FZD6: variants seen among roughly 807,000 people sequenced by gnomAD.
The protein encoded by FZD6 is frizzled class receptor 6, also known as frizzled-6.
A neutral mutation model predicts 61.4 loss-of-function variants in FZD6; 49 were observed. The ratio of observed to expected loss-of-function variants is 0.80; its 90% confidence interval spans 0.63 to 1.01. The LOEUF (loss-of-function observed/expected upper bound fraction) is 1.01, where lower values mean the gene tolerates loss of function less well. FZD6 is among the 50% of genes least tolerant of loss of function. The pLI is 0.00. For missense variants in FZD6, 724 were observed against 848.2 expected (o/e 0.85, Z 1.82); for synonymous variants, 265 against 292.2 (o/e 0.91, Z 0.95).
chr8:103,330,013 G>A lies in FZD6; in HGVS notation c.1900G>A (p.Asp634Asn), dbSNP rs139052958. The A allele has an allele frequency of 5.1e-5, 82 of 1,614,112 alleles. 1 individual carries two copies. The East Asian group carries it at 8.9e-4, about 18-fold the overall frequency. ...CTCCAGACTCTCTGGGGAACAGGTCGACGGGAAGGGCCAGGCAGGCAGTGT... is the reference window on the plus strand; with the variant it reads ...CTCCAGACTCTCTGGGGAACAGGTCAACGGGAAGGGCCAGGCAGGCAGTGT... ...SISRLSGEQV[D>N]GKGQAGSVSE... The change falls in exon 6 of 7, where the codon GAC (aspartate) becomes AAC (asparagine). Residue 634 changes from aspartate (D) to asparagine (N), a missense_variant. Coordinates refer to ENST00000358755, the MANE Select transcript of FZD6 (RefSeq NM_003506.4).
intron 1 of FZD6, among the ~76,000 whole-genome samples, chr8:103,299,489 A>G (rs1814086853): frequency 6.6e-6 from 1 of 152,192 alleles, no homozygotes; most frequent in Non-Finnish European, 1.5e-5. Flanking sequence ...ACGAAAATCG[A>G]GAAAACTACA....
At chr8:103,325,593 A>G (rs568705981) in intron 4 of FZD6, 95 bp downstream of exon 4, 2 of 1,053,260 alleles carry the variant, frequency 1.9e-6, no homozygotes, top group Admixed American at 1.7e-5. Flanking sequence ...AGTTGATTTC[A>G]GGTGAGAAAA....
intron 2 of FZD6, among the ~76,000 whole-genome samples, chr8:103,303,723 A>G (rs1156251292): frequency 3.9e-5 from 6 of 152,222 alleles, no homozygotes; most frequent in Non-Finnish European, 8.8e-5. Flanking sequence ...TGGTTTACAT[A>G]TCATTCTTTT....
chr8:103,328,536 C>A, intron 5 of FZD6, 120 bp downstream of exon 5: 2 of 876,106 alleles, frequency 2.3e-6, no homozygotes, highest in Non-Finnish European at 3.6e-6. Flanking sequence ...ATTTGATTTG[C>A]CAACTGAAGT....
At chr8:103,318,488 T>G (rs1428369903) in intron 2 of FZD6, 102 bp from the exon 3 acceptor site, 2 of 732,148 alleles carry the variant, frequency 2.7e-6, no homozygotes, top group Non-Finnish European at 4.9e-6. Flanking sequence ...AAGATTCTTT[T>G]GCAGTATAAG....
At chr8:103,308,129 G>A (rs570428505) in intron 2 of FZD6, among the ~76,000 whole-genome samples, 1 of 152,254 alleles carries the variant, frequency 6.6e-6, no homozygotes, top group South Asian at 2.1e-4. Flanking sequence ...TGCCACCATG[G>A]CCGTTTTGTT....
In FZD6 at chr8:103,325,318, C is replaced by A. The variant is rs759836027; in HGVS notation, c.1212C>A (p.Gly404=). The change falls in exon 4 of 7, where the codon GGC becomes GGA. Residue 404 remains glycine (G), a synonymous_variant. Coordinates refer to ENST00000358755, the MANE Select transcript of FZD6 (RefSeq NM_003506.4). The part of the protein sequence containing the change: ...NHVRQVIQHD[G]RNQEKLKKFM... ...TTCGACAAGTCATACAACATGATGG[C>A]CGGAACCAAGAAAAACTAAAGAAAT... The A allele has an allele frequency of 5.0e-6, 8 of 1,613,886 alleles. No individual in the cohort carries two copies. In the Admixed American group the frequency reaches 1.3e-4, roughly 27 times the overall value.
At position 103,330,181 on chromosome 8, in the gene FZD6, C is replaced by A. The variant is rs1035903612; in HGVS notation, c.1952+116C>A. 12 of 955,536 alleles carry A rather than the reference C, an allele frequency of 1.3e-5. No individual in the cohort carries two copies. The African/African-American group carries it at 1.5e-4, about 12-fold the overall frequency. The allele number at this position is 955,536 out of a possible 1,614,324, so 59.2% of individuals were successfully genotyped here. A position where few individuals can be genotyped will look rare whatever the true frequency, so the allele number is the denominator to read the frequency against. Reference sequence around the variant, plus strand: ...GTGATATATTATGTCTGTACTCTTACCCCAAGGAAGTTTGGGTTCAGCCTA... The same window carrying A: ...GTGATATATTATGTCTGTACTCTTAACCCAAGGAAGTTTGGGTTCAGCCTA... On this transcript the variant is annotated intron_variant, in intron 6 of 6. Coordinates refer to ENST00000358755, the MANE Select transcript of FZD6 (RefSeq NM_003506.4).
At position 103,330,059 on chromosome 8, in the gene FZD6, A is replaced by C; in HGVS notation, c.1946A>C (p.Glu649Ala). ...AGSVSESARS[E>A]GRISPKSDIT... ...AGTGTATCTGAAAGTGCGCGGAGTG[A>C]AGGAAGGTGAGATTTGATTTTATGT... The change falls in exon 6 of 7, where the codon GAA (glutamate) becomes GCA (alanine). Residue 649 changes from glutamate to alanine, a missense_variant. Physicochemically the swap from Glu to Ala is moderately radical, Grantham distance 107 (BLOSUM62 -1). Coordinates refer to ENST00000358755, the MANE Select transcript of FZD6 (RefSeq NM_003506.4). 1 of 1,613,386 alleles carries C rather than the reference A, an allele frequency of 6.2e-7. No individual in the cohort carries two copies. The highest frequency in any genetic ancestry group is 8.5e-7 in the Non-Finnish European group (1 of 1,179,294).
intron 2 of FZD6, among the ~76,000 whole-genome samples, chr8:103,311,817 G>T (rs994637182): frequency 2.6e-5 from 4 of 151,732 alleles, no homozygotes; most frequent in African/African-American, 9.7e-5. Flanking sequence ...TTGAGCCATA[G>T]AAGTTAGGTA....
Position 103,299,791 on chromosome 8 carries a change from A to G in FZD6, c.-152-165A>G, listed in dbSNP as rs1181358548. The stretch of plus-strand genomic sequence containing the variant: ...AGAGGTGCAGCTTCCTTAGCAAATG[A>G]TATATTCCATGCTAAGGCAGGTGGA... On this transcript the variant is annotated intron_variant, in intron 1 of 6. Transcript: ENST00000358755. 2.6e-5 allele frequency among the ~76,000 whole-genome samples: 4 copies of G among 152,174 alleles called. No homozygotes were observed. The East Asian group carries it at 7.7e-4, about 29-fold the overall frequency.
rs1815009468 is a variant in FZD6, at chr8:103,328,208, T to C, written c.1393-60T>C. 2.4e-6 allele frequency: 3 copies of C among 1,259,438 alleles called. No homozygotes were observed. The Admixed American group carries it at 5.1e-5, about 21-fold the overall frequency. The allele number at this position is 1,259,438 out of a possible 1,614,324, so 78.0% of individuals were successfully genotyped here. ...TTTTGTTCGTTTTATATTGACAATA[T>C]AGACTTCTTTCCACTTTAAGTGCAT... On this transcript the variant is annotated intron_variant, in intron 4 of 6. Coordinates refer to ENST00000358755, the MANE Select transcript of FZD6 (RefSeq NM_003506.4).
In FZD6 at chr8:103,318,702, A is replaced by G. The variant is rs1487285963; in HGVS notation, c.290A>G (p.Lys97Arg). The change falls in exon 3 of 7, where the codon AAA becomes AGA. Residue 97 changes from lysine to arginine, a missense_variant. Physicochemically the swap from Lys to Arg is conservative, Grantham distance 26. Transcript: ENST00000358755. Reference protein sequence around the residue: ...EQIHVVPPCRKLCEKVYSDCK... With the variant: ...EQIHVVPPCRRLCEKVYSDCK... ...ATTCATGTGGTTCCACCTTGTCGTA[A>G]ACTTTGTGAGAAAGTATATTCTGAT... 6.2e-7 allele frequency: 1 copy of G among 1,609,712 alleles called. No homozygotes were observed. The highest frequency in any genetic ancestry group is 8.5e-7 in the Non-Finnish European group (1 of 1,176,004).
chr8:103,328,491 T>A, intron 5 of FZD6, 75 bp downstream of exon 5: 1 of 1,129,094 alleles, frequency 8.9e-7, no homozygotes, highest in South Asian at 1.3e-5. Context: ...TTCAAATCAA[T>A]GTACTAGAGT....
At chr8:103,326,718 A>G (rs1352068716) in intron 4 of FZD6, among the ~76,000 whole-genome samples, 1 of 151,158 alleles carries the variant, frequency 6.6e-6, no homozygotes, top group East Asian at 1.9e-4. Flanking sequence ...CAAACAATCC[A>G]TAATCAATGT....
chr8:103,298,637 G>T (rs1211003352), upstream of FZD6: 2 of 152,080 alleles, frequency 1.3e-5, no homozygotes, highest in Non-Finnish European at 2.9e-5. Context: ...CGTAACAGAC[G>T]GCAAGGTGGA....
rs375098302 is a variant in FZD6 at position 103,318,605 on chromosome 8, G to A, written c.193G>A (p.Ala65Thr). The stretch of plus-strand genomic sequence containing the variant: ...TCTTTAATAGCATTTTCTTCCTCTC[G>A]CAAATCTGGAATGTTCACCAAACAT... ...AVEMEHFLPL[A>T]NLECSPNIET... Residue 65 changes from alanine to threonine, a missense_variant, in exon 3 of 7, where the codon GCA becomes ACA. Transcript: ENST00000358755. The A allele has an allele frequency of 4.6e-5, 74 of 1,603,600 alleles. No individual in the cohort carries two copies. Among genetic ancestry groups the A allele is most frequent in the South Asian group, 9.9e-5 (9 of 90,854 alleles).
chr8:103,300,207 A>G lies in FZD6; in HGVS notation c.100A>G (p.Lys34Glu). The G allele has an allele frequency of 6.2e-7, 1 of 1,608,674 alleles. No homozygotes were observed. The highest frequency in any genetic ancestry group is 8.5e-7 in the Non-Finnish European group (1 of 1,174,982). Reference sequence around the variant, plus strand: ...ACCAATTACTGTTCCCAGATGTATGAAAATGGCCTACAACATGACGTTTTT... The same window carrying G: ...ACCAATTACTGTTCCCAGATGTATGGAAATGGCCTACAACATGACGTTTTT... Reference protein sequence around the residue: ...CEPITVPRCMKMAYNMTFFPN... With the variant: ...CEPITVPRCMEMAYNMTFFPN... The change falls in exon 2 of 7, where the codon AAA (lysine) becomes GAA (glutamate). Residue 34 changes from lysine (K) to glutamate (E), a missense_variant. Lys to Glu is a moderately conservative substitution (Grantham distance 56). Coordinates refer to ENST00000358755, the MANE Select transcript of FZD6 (RefSeq NM_003506.4).
chr8:103,324,727 A>G lies in FZD6; in HGVS notation c.621A>G (p.Ile207Met), dbSNP rs776494531. 1 of 1,614,132 alleles carries G rather than the reference A, an allele frequency of 6.2e-7. No homozygotes were observed. Among genetic ancestry groups the G allele is most frequent in the East Asian group, 2.2e-5 (1 of 44,884 alleles). The change falls in exon 4 of 7, where the codon ATA becomes ATG. Residue 207 changes from isoleucine to methionine, a missense_variant. Coordinates refer to ENST00000358755, the MANE Select transcript of FZD6 (RefSeq NM_003506.4). ...AAAGTTTTATTGGAACAGTTTCAAT[A>G]TTTTGTCTTTGTGCAACTCTGTTCA... ...FAKSFIGTVS[I>M]FCLCATLFTF...
Sources: allele counts gnomAD v4.1 joint callset (sites outside exome capture counted in the v4.1 genomes callset), GRCh38; gene constraint gnomAD v4.1.1; transcripts MANE v1.5; gene names NCBI Gene and HGNC (gene_info 2026-07-23, HGNC 2026-07-21).